The following SYNE1 variants were observed in gnomAD, a reference collection of about 807,000 sequenced individuals.
The protein encoded by SYNE1 is spectrin repeat containing nuclear envelope protein 1.
A neutral mutation model predicts 1,111.0 loss-of-function variants in SYNE1; 616 were observed. The ratio of observed to expected loss-of-function variants is 0.55; its 90% confidence interval spans 0.52 to 0.59. The LOEUF is 0.59. Ranked by LOEUF, SYNE1 falls within the 20% of genes least tolerant of loss-of-function variation. The pLI, the probability that SYNE1 is intolerant of heterozygous loss-of-function variation, is 0.00. For synonymous variants in SYNE1, 3,855 were observed against 3,825.8 expected (o/e 1.01, Z -0.28); for missense variants, 10,006 against 10,417.0 (o/e 0.96, Z 1.72).
At chr6:152,315,588 C>T (rs926445464) in intron 87 of SYNE1, 2 of 152,152 alleles carry the variant, frequency 1.3e-5, no homozygotes, top group East Asian at 1.9e-4. Flanking sequence ...TGTTTGAGAG[C>T]TCTCACTTCC....
chr6:152,530,579 T>C (rs932932066), intron 4 of SYNE1, among the ~76,000 whole-genome samples: 1 of 151,530 alleles, frequency 6.6e-6, no homozygotes, highest in Non-Finnish European at 1.5e-5. Flanking sequence ...AAAGAAACAA[T>C]TCATAAGTTT....
intron 87 of SYNE1, among the ~76,000 whole-genome samples, chr6:152,311,940 C>T (rs1462375679): frequency 6.6e-5 from 10 of 151,462 alleles, no homozygotes; most frequent in Admixed American, 2.0e-4. Flanking sequence ...CCCGCCACCA[C>T]GCCTGGCTAA....
intron 131 of SYNE1, among the ~76,000 whole-genome samples, chr6:152,157,780 A>G (rs2061662777): frequency 6.9e-6 from 1 of 144,412 alleles, no homozygotes; most frequent in African/African-American, 2.6e-5. Flanking sequence ...TTTTTTTTAG[A>G]TGGAGTCTCA....
chr6:152,467,750 T>C lies in SYNE1; in HGVS notation c.1633-1672A>G, dbSNP rs183651029. ...AGACACTCATTAATGTATTTTTGAA[T>C]TTGGCTATTAGGAAGACTGGATGAT... On this transcript the variant is annotated intron_variant, in intron 16 of 145. Coordinates refer to ENST00000367255, the MANE Select transcript of SYNE1 (RefSeq NM_182961.4). 2.0e-5 allele frequency among the ~76,000 whole-genome samples: 3 copies of C among 152,286 alleles called. No homozygotes were observed. The East Asian group carries it at 5.8e-4, about 29-fold the overall frequency.
intron 8 of SYNE1, among the ~76,000 whole-genome samples, chr6:152,509,911 A>G (rs564524373): frequency 6.6e-6 from 1 of 152,348 alleles, no homozygotes; most frequent in South Asian, 2.1e-4. Flanking sequence ...TGACCTAAAT[A>G]GAATTATCCC....
chr6:152,519,926 T>C (rs528521700), intron 6 of SYNE1, among the ~76,000 whole-genome samples: 2 of 152,276 alleles, frequency 1.3e-5, no homozygotes, highest in East Asian at 3.9e-4. Flanking sequence ...CTTGGGACTT[T>C]TTCCAAAAAT....
intron 3 of SYNE1, among the ~76,000 whole-genome samples, chr6:152,579,272 A>T (rs1045973050): frequency 6.6e-6 from 1 of 152,142 alleles, no homozygotes; most frequent in Non-Finnish European, 1.5e-5. Flanking sequence ...AGGCTGTGTG[A>T]CTTCTGAGAC....
intron 14 of SYNE1, among the ~76,000 whole-genome samples, chr6:152,478,261 C>A (rs908076800): frequency 1.3e-5 from 2 of 152,078 alleles, no homozygotes; most frequent in African/African-American, 2.4e-5. Context: ...GAAGAAAGAG[C>A]CAATTCTCTC....
At position 152,331,653 on chromosome 6, in the gene SYNE1, C is replaced by T. The variant is rs1053180393; in HGVS notation, c.13032G>A (p.Glu4344=). Residue 4344 remains glutamate (E), a synonymous_variant, in exon 78 of 146, where the codon GAG becomes GAA. Coordinates refer to ENST00000367255, the MANE Select transcript of SYNE1 (RefSeq NM_182961.4). ...RKIQVSVTNL[E]ELNVVQSRFQ... is the part of the protein sequence containing the mutation. ...ATCTGGACTGCACCACATTTAACTC[C>T]TCCAAGTTGGTGACTGACACTTGGA... The T allele has an allele frequency of 6.2e-7, 1 of 1,614,058 alleles. No individual in the cohort carries two copies. Among genetic ancestry groups the T allele is most frequent in the African/African-American group, 1.3e-5 (1 of 74,936 alleles).
rs1213054952 is a variant in SYNE1 at position 152,520,556 on chromosome 6, G to A, written c.226-14C>T. ...TTGTTCACAAGGCTGTAAAAAGTGG[G>A]GTAAAAAAGGGAATGAGACAAAATC... On this transcript the variant is annotated splice_polypyrimidine_tract_variant and intron_variant, in intron 5 of 145. Coordinates refer to ENST00000367255, the MANE Select transcript of SYNE1 (RefSeq NM_182961.4). The A allele has an allele frequency of 3.1e-6, 5 of 1,612,538 alleles. No individual in the cohort carries two copies. Among genetic ancestry groups the A allele is most frequent in the Non-Finnish European group, 4.2e-6 (5 of 1,179,202 alleles).
intron 5 of SYNE1, 43 bp downstream of exon 5, chr6:152,526,037 T>C (rs2099161955): frequency 1.9e-6 from 3 of 1,582,564 alleles, no homozygotes; most frequent in African/African-American, 2.7e-5. Context: ...AAATTCCAAA[T>C]GGAAACAATT....
intron 51 of SYNE1, among the ~76,000 whole-genome samples, chr6:152,392,124 C>T (rs1280183885): frequency 6.6e-6 from 1 of 152,102 alleles, no homozygotes; most frequent in East Asian, 1.9e-4. Context: ...CTCTTTGTGC[C>T]CTCTGCTCCT....
chr6:152,372,032 G>A (rs185017460), intron 59 of SYNE1, among the ~76,000 whole-genome samples: 118 of 152,264 alleles, frequency 7.7e-4, no homozygotes, highest in Middle Eastern at 6.8e-3. Context: ...CCTATTCTGA[G>A]GGGAACAGCA....
At chr6:152,348,518 C>G (rs1471513357) in intron 72 of SYNE1, among the ~76,000 whole-genome samples, 1 of 152,090 alleles carries the variant, frequency 6.6e-6, no homozygotes, top group African/African-American at 2.4e-5. Context: ...AACCCTGTCT[C>G]TACTAAAAAT....
intron 96 of SYNE1, 86 bp from the exon 97 acceptor site, chr6:152,282,066 T>C (rs2094061688): frequency 2.9e-6 from 4 of 1,395,110 alleles, no homozygotes; most frequent in Non-Finnish European, 4.0e-6. Flanking sequence ...TTCCAGGCCC[T>C]GGCTGTACAT....
chr6:152,534,502 A>G (rs548005361), intron 4 of SYNE1, among the ~76,000 whole-genome samples: 8 of 152,284 alleles, frequency 5.3e-5, no homozygotes, highest in African/African-American at 1.9e-4. Flanking sequence ...AAAATTGTAT[A>G]TATTTGTTAT....
At chr6:152,364,212 T>C (rs1416190348) in intron 63 of SYNE1, among the ~76,000 whole-genome samples, 1 of 152,170 alleles carries the variant, frequency 6.6e-6, no homozygotes, top group Non-Finnish European at 1.5e-5. Flanking sequence ...GCCACGATTG[T>C]AAGTTTCCTG....
Position 152,234,817 on chromosome 6 carries a change from G to A in SYNE1, c.20397-17C>T. 2 of 1,613,744 alleles carry A rather than the reference G, an allele frequency of 1.2e-6. No homozygotes were observed. Among genetic ancestry groups the A allele is most frequent in the Non-Finnish European group, 1.7e-6 (2 of 1,179,752 alleles). On this transcript the variant is annotated splice_polypyrimidine_tract_variant and intron_variant, in intron 110 of 145. Transcript: ENST00000367255. The stretch of plus-strand genomic sequence containing the variant: ...CTTTGATATCTGTTAAGTATATTAT[G>A]GAGTCCATTAAGTAAACATTTCATC...
intron 134 of SYNE1, 22 bp downstream of exon 134, chr6:152,151,937 A>G: frequency 1.2e-6 from 2 of 1,613,616 alleles, no homozygotes; most frequent in Non-Finnish European, 1.7e-6. Flanking sequence ...CCTCTAAATT[A>G]CAGATGAGGC....
Sources: allele counts gnomAD v4.1 joint callset (sites outside exome capture counted in the v4.1 genomes callset), GRCh38; gene constraint gnomAD v4.1.1; transcripts MANE v1.5; gene names NCBI Gene and HGNC (gene_info 2026-07-23, HGNC 2026-07-21).